The following ERCC6L2 variants were observed in gnomAD, a reference collection of about 807,000 sequenced individuals.
ERCC6L2 encodes DNA excision repair protein ERCC-6-like 2.
A neutral mutation model predicts 132.0 loss-of-function variants in ERCC6L2; 77 were observed. The ratio of observed to expected loss-of-function variants is 0.58; its 90% CI spans 0.49 to 0.71. The LOEUF (loss-of-function observed/expected upper bound fraction) is 0.71. Ranked by LOEUF, ERCC6L2 falls within the 30% of genes least tolerant of loss-of-function variation. ERCC6L2 has a pLI of 0.00. For synonymous variants in ERCC6L2, 583 were observed against 632.4 expected, an observed-to-expected ratio of 0.92 and a Z score of 1.17; for missense variants, 1,542 against 1,837.6, an observed-to-expected ratio of 0.84 and a Z score of 2.94.
chr9:96,003,363 G>A (rs191424615), intron 17 of ERCC6L2, among the ~76,000 whole-genome samples: 2 of 152,240 alleles, frequency 1.3e-5, no homozygotes, highest in African/African-American at 2.4e-5. Flanking sequence ...AATTATTTAT[G>A]TTAATTTTCA....
chr9:95,891,678 C>T lies in ERCC6L2; in HGVS notation c.472-6171C>T, dbSNP rs1050239820. Among the ~76,000 whole-genome samples the T allele has an allele frequency of 7.9e-5, 12 of 151,822 alleles. 1 individual carries two copies. Among genetic ancestry groups the T allele is most frequent in the Admixed American group, 7.2e-4 (11 of 15,262 alleles). ...TTCCTACCAACAATTGTCCAGGTTT[C>T]CTATGCCTCCACATCATTGCCAACA... On this transcript the variant is annotated intron_variant, in intron 2 of 18. Transcript: ENST00000653738.
At chr9:95,886,691 C>T (rs1214407624) in intron 2 of ERCC6L2, among the ~76,000 whole-genome samples, 1 of 152,194 alleles carries the variant, frequency 6.6e-6, no homozygotes, top group Non-Finnish European at 1.5e-5. Context: ...ATAATACCTA[C>T]TGTGATGGTT....
At chr9:95,884,417 G>A (rs902169740) in intron 2 of ERCC6L2, among the ~76,000 whole-genome samples, 1 of 151,806 alleles carries the variant, frequency 6.6e-6, no homozygotes, top group African/African-American at 2.4e-5. Context: ...TCAGAATGTA[G>A]TAAAATTAAT....
intron 6 of ERCC6L2, among the ~76,000 whole-genome samples, chr9:95,919,517 C>G (rs905644140): frequency 5.9e-5 from 9 of 152,064 alleles, no homozygotes; most frequent in African/African-American, 1.7e-4. Context: ...CACAACATGT[C>G]TAATTCAGCT....
In ERCC6L2 at chr9:95,907,173, C is replaced by T. The variant is rs1829082637; in HGVS notation, c.690C>T (p.Asn230=). The T allele has an allele frequency of 6.2e-7, 1 of 1,612,858 alleles. No individual in the cohort carries two copies. Among genetic ancestry groups the T allele is most frequent in the Non-Finnish European group, 8.5e-7 (1 of 1,179,554 alleles). ...GYFRVTVLHG[N]RKDNELIRVK... ...TCAGAGTCACTGTTTTACATGGAAACAGAAAAGATAATGAATTAATTCGTG... is the reference window on the plus strand; with the variant it reads ...TCAGAGTCACTGTTTTACATGGAAATAGAAAAGATAATGAATTAATTCGTG... The change falls in exon 4 of 19, where the codon AAC becomes AAT. Residue 230 remains asparagine, a synonymous_variant. Transcript: ENST00000653738.
In ERCC6L2 at chr9:95,995,101, G is replaced by T. The variant is rs1282754558; in HGVS notation, c.3493-9419G>T. Among the ~76,000 whole-genome samples, 4 of 152,190 alleles carry T rather than the reference G, an allele frequency of 2.6e-5. No homozygotes were observed. The East Asian group carries it at 7.7e-4, about 29-fold the overall frequency. On this transcript the variant is annotated intron_variant, in intron 17 of 18. Transcript: ENST00000653738. The stretch of plus-strand genomic sequence containing the variant: ...GCTAATTTAATCATGTGCCTGTGAG[G>T]TAGGGGGGAATCTTCCTTGTATTTT...
chr9:95,963,299 C>T (rs2133036947), intron 13 of ERCC6L2, among the ~76,000 whole-genome samples: 1 of 152,122 alleles, frequency 6.6e-6, no homozygotes, highest in East Asian at 1.9e-4. Flanking sequence ...CTTGCTTTCT[C>T]TTTGTCTCAG....
intron 19 of ERCC6L2, among the ~76,000 whole-genome samples, chr9:96,026,648 CCA>C (rs935055947): frequency 7.0e-6 from 1 of 142,126 alleles, no homozygotes; most frequent in Non-Finnish European, 1.6e-5. Context: ...CACAAACACA[CCA>C]CACACAAACA....
At chr9:95,952,683 A>G (rs1831395474) in intron 12 of ERCC6L2, among the ~76,000 whole-genome samples, 2 of 152,154 alleles carry the variant, frequency 1.3e-5, no homozygotes, top group Non-Finnish European at 1.5e-5. Context: ...AAAAAAATAT[A>G]AAAATTAGCC....
chr9:95,997,707 T>C (rs1454953428), intron 17 of ERCC6L2, among the ~76,000 whole-genome samples: 1 of 152,256 alleles, frequency 6.6e-6, no homozygotes, highest in Non-Finnish European at 1.5e-5. Context: ...TTCCAAATCA[T>C]TTTACTGAAT....
chr9:95,948,247 T>C (rs1831156315), intron 12 of ERCC6L2, among the ~76,000 whole-genome samples: 1 of 152,180 alleles, frequency 6.6e-6, no homozygotes, highest in African/African-American at 2.4e-5. Context: ...CATGGATGAC[T>C]TTGAGGAGTT....
At chr9:95,945,751 A>G (rs1831029881) in intron 12 of ERCC6L2, among the ~76,000 whole-genome samples, 2 of 152,244 alleles carry the variant, frequency 1.3e-5, no homozygotes. Flanking sequence ...CAAAAGAAAT[A>G]AGAGTACCAA....
chr9:95,957,360 G>A (rs1402578900), intron 13 of ERCC6L2, among the ~76,000 whole-genome samples: 2 of 150,494 alleles, frequency 1.3e-5, no homozygotes, highest in Non-Finnish European at 3.0e-5. Flanking sequence ...ATTGTACACA[G>A]CAGTTTTTGT....
intron 17 of ERCC6L2, among the ~76,000 whole-genome samples, chr9:95,990,509 G>T (rs1223453231): frequency 1.3e-5 from 2 of 152,184 alleles, no homozygotes; most frequent in Non-Finnish European, 2.9e-5. Flanking sequence ...CCATGAACAG[G>T]CAGTGGCCCT....
At chr9:95,888,569 C>T (rs1327692244) in intron 2 of ERCC6L2, among the ~76,000 whole-genome samples, 1 of 152,070 alleles carries the variant, frequency 6.6e-6, no homozygotes, top group Non-Finnish European at 1.5e-5. Flanking sequence ...CTTTAGTCTT[C>T]TGTGAATTAA....
intron 1 of ERCC6L2, among the ~76,000 whole-genome samples, chr9:95,880,529 C>G (rs998247538): frequency 6.6e-6 from 1 of 152,058 alleles, no homozygotes; most frequent in Admixed American, 6.5e-5. Context: ...AACAACCAAA[C>G]AAAACAATAA....
intron 8 of ERCC6L2, 117 bp downstream of exon 8, chr9:95,922,535 C>T (rs1339390477): frequency 3.7e-5 from 24 of 650,400 alleles, no homozygotes; most frequent in Non-Finnish European, 5.2e-6. Context: ...AACTGATTTG[C>T]TTATTTTTAA....
rs550855401 is a variant in ERCC6L2 at position 95,918,994 on chromosome 9, A to G, written c.1159-2181A>G. Among the ~76,000 whole-genome samples, 6 of 152,082 alleles carry G rather than the reference A, an allele frequency of 3.9e-5. No individual in the cohort carries two copies. In the East Asian group the frequency reaches 1.2e-3, roughly 30 times the overall value. On this transcript the variant is annotated intron_variant, in intron 6 of 18. Transcript: ENST00000653738. ...AGCGATTATTCTGCCTCAGTCTCCC[A>G]AGTAGCTGGGACTACAGGCGCACGC...
intron 16 of ERCC6L2, 82 bp downstream of exon 16, chr9:95,973,170 G>A (rs1306397596): frequency 1.0e-6 from 1 of 954,554 alleles, no homozygotes; most frequent in African/African-American, 1.7e-5. Flanking sequence ...GAATTAACTT[G>A]TAAAACAGCC....
Sources: allele counts gnomAD v4.1 joint callset (sites outside exome capture counted in the v4.1 genomes callset), GRCh38; gene constraint gnomAD v4.1.1; transcripts MANE v1.5; gene names NCBI Gene and HGNC (gene_info 2026-07-23, HGNC 2026-07-21).